The following SLCO3A1 variants were observed in gnomAD, a reference collection of about 807,000 sequenced individuals.
SLCO3A1 encodes the protein solute carrier organic anion transporter family member 3A1, also known as PGE1 transporter.
In SLCO3A1, 27 loss-of-function variants were observed where a neutral mutation model predicts 63.1. The observed-to-expected ratio is 0.43, with a 90% CI of 0.32 to 0.59. The LOEUF (loss-of-function observed/expected upper bound fraction) is 0.59, where lower values mean the gene tolerates loss of function less well. Ranked by LOEUF, SLCO3A1 falls within the 20% of genes least tolerant of loss-of-function variation. The probability of loss-of-function intolerance (pLI) is 0.09; values close to 1 mark genes in which losing one functional copy is unlikely to be tolerated. For missense variants in SLCO3A1, 773 were observed against 945.8 expected (o/e 0.82, Z 2.40); for synonymous variants, 473 against 409.9 (o/e 1.15, Z -1.86).
intron 1 of SLCO3A1, among the ~76,000 whole-genome samples, chr15:91,906,257 C>T (rs58243384): frequency 0.043 from 6,483 of 152,272 alleles, 453 homozygotes; most frequent in African/African-American, 0.15. Context: ...TCCTCAGTTA[C>T]TAGGGGCTAA....
At chr15:91,973,821 A>G (rs1597175735) in intron 2 of SLCO3A1, among the ~76,000 whole-genome samples, 1 of 152,218 alleles carries the variant, frequency 6.6e-6, no homozygotes, top group East Asian at 1.9e-4. Context: ...ATACCTGATT[A>G]AGGGGAAAGC....
At chr15:92,028,394 A>T (rs961727700) in intron 2 of SLCO3A1, among the ~76,000 whole-genome samples, 3 of 152,000 alleles carry the variant, frequency 2.0e-5, no homozygotes, top group African/African-American at 7.3e-5. Flanking sequence ...GCCCCTCAAC[A>T]TTTGCAGGAT....
At chr15:91,889,939 T>C (rs1897830433) in intron 1 of SLCO3A1, among the ~76,000 whole-genome samples, 1 of 151,976 alleles carries the variant, frequency 6.6e-6, no homozygotes, top group Non-Finnish European at 1.5e-5. Flanking sequence ...AGTTATGCAG[T>C]CTGGGAAGCT....
rs142022814 is a variant in SLCO3A1, at chr15:92,171,798, T to C, written c.2015T>C (p.Ile672Thr). 1.5e-4 allele frequency: 233 copies of C among 1,551,430 alleles called. 1 individual carries two copies. The African/African-American group carries it at 2.3e-3, about 15-fold the overall frequency. Residue 672 changes from isoleucine to threonine, a missense_variant, in exon 11 of 11, where the codon ATT (isoleucine) becomes ACT (threonine). By Grantham distance (89) the Ile-to-Thr change is moderately conservative. Transcript: ENST00000424469. The stretch of plus-strand genomic sequence containing the variant: ...CCTTTAGGCACAGAGTACCAAGACA[T>C]TGAGACTGAGAAAACCTGCCCCGAA...
intron 2 of SLCO3A1, among the ~76,000 whole-genome samples, chr15:92,060,336 G>A (rs1480354414): frequency 6.6e-6 from 1 of 152,096 alleles, no homozygotes; most frequent in Non-Finnish European, 1.5e-5. Context: ...AAGGTAGGCA[G>A]ATCATTTGAG....
At chr15:92,141,409 G>T (rs2048130166) in intron 7 of SLCO3A1, among the ~76,000 whole-genome samples, 1 of 152,168 alleles carries the variant, frequency 6.6e-6, no homozygotes, top group Non-Finnish European at 1.5e-5. Flanking sequence ...GAGTCTACAG[G>T]TCAGTTCCAA....
chr15:92,162,969 T>A lies in SLCO3A1; in HGVS notation c.1967T>A (p.Ile656Asn). ...CTGAGGAAAAACTATAAACGCTACA[T>A]CAAAAACCACGAGGGCGGGCTGAGC... The part of the protein sequence containing the change: ...QCLRKNYKRY[I>N]KNHEGGLSTS... Residue 656 changes from isoleucine (I) to asparagine (N), a missense_variant, in exon 10 of 10, where the codon ATC (isoleucine) becomes AAC (asparagine). Coordinates refer to ENST00000318445, the MANE Select transcript of SLCO3A1 (RefSeq NM_013272.4). The A allele has an allele frequency of 6.2e-7, 1 of 1,613,970 alleles. No individual in the cohort carries two copies. Among genetic ancestry groups the A allele is most frequent in the Non-Finnish European group, 8.5e-7 (1 of 1,179,994 alleles).
chr15:91,969,534 T>G (rs940791301), intron 2 of SLCO3A1, among the ~76,000 whole-genome samples: 1 of 152,174 alleles, frequency 6.6e-6, no homozygotes, highest in Non-Finnish European at 1.5e-5. Context: ...CTCAAACTCC[T>G]CACCTCAGGT....
chr15:92,082,705 C>A (rs530930306), intron 2 of SLCO3A1, among the ~76,000 whole-genome samples: 1 of 152,190 alleles, frequency 6.6e-6, no homozygotes, highest in Non-Finnish European at 1.5e-5. Context: ...GACTGATAAC[C>A]CTTCTTCCCA....
intron 9 of SLCO3A1, among the ~76,000 whole-genome samples, chr15:92,154,185 A>T (rs2048343322): frequency 1.3e-5 from 2 of 152,238 alleles, no homozygotes; most frequent in African/African-American, 2.4e-5. Flanking sequence ...TGAGAAATAA[A>T]AGGAGGAATC....
intron 2 of SLCO3A1, among the ~76,000 whole-genome samples, chr15:91,972,325 G>A (rs1034491956): frequency 1.3e-5 from 2 of 152,152 alleles, no homozygotes; most frequent in African/African-American, 2.4e-5. Flanking sequence ...CCTAACCCAA[G>A]GTGGGTTAGA....
chr15:91,861,321 C>T (rs1375845410), intron 1 of SLCO3A1, among the ~76,000 whole-genome samples: 1 of 152,180 alleles, frequency 6.6e-6, no homozygotes, highest in African/African-American at 2.4e-5. Context: ...GAAACATTCC[C>T]TTGGATGTAC....
At chr15:92,026,128 C>G (rs1479577086) in intron 2 of SLCO3A1, among the ~76,000 whole-genome samples, 1 of 152,148 alleles carries the variant, frequency 6.6e-6, no homozygotes. Flanking sequence ...TTGTCCACCA[C>G]CAGTCACCAA....
chr15:92,074,187 C>G (rs1446706719), intron 2 of SLCO3A1, among the ~76,000 whole-genome samples: 2 of 152,156 alleles, frequency 1.3e-5, no homozygotes, highest in African/African-American at 2.4e-5. Flanking sequence ...ATAAAGAGAA[C>G]CTATCTTCTT....
rs547465363 is a variant in SLCO3A1, at chr15:91,954,306, A to G, written c.646+37848A>G. ...GAGCCCTTTGTGAGTTTCTCAGGAT[A>G]AACCATCCACCCATGGAAGTGGCAG... On this transcript the variant is annotated intron_variant, in intron 2 of 9. Transcript: ENST00000318445. The surrounding 1 kb of genome is among the most constrained non-coding windows in gnomAD (Gnocchi z 4.7). 5.3e-5 allele frequency among the ~76,000 whole-genome samples: 8 copies of G among 152,284 alleles called. No homozygotes were observed. Among genetic ancestry groups the G allele is most frequent in the African/African-American group, 1.7e-4 (7 of 41,562 alleles).
At chr15:92,155,729 C>T (rs2048362610) in intron 9 of SLCO3A1, among the ~76,000 whole-genome samples, 1 of 152,024 alleles carries the variant, frequency 6.6e-6, no homozygotes, top group Non-Finnish European at 1.5e-5. Context: ...CTATTGAGAT[C>T]CCCCCAACCC....
At chr15:91,961,503 C>A (rs1234328635) in intron 2 of SLCO3A1, among the ~76,000 whole-genome samples, 1 of 152,248 alleles carries the variant, frequency 6.6e-6, no homozygotes, top group East Asian at 1.9e-4. Context: ...TGATTAAAAA[C>A]ATCTCAGTCC....
chr15:91,953,131 G>A (rs1226637901), intron 2 of SLCO3A1, among the ~76,000 whole-genome samples: 3 of 152,194 alleles, frequency 2.0e-5, no homozygotes, highest in African/African-American at 7.2e-5. Context: ...CTTAATCCTG[G>A]AAACAAGGCC....
chr15:91,998,419 A>G (rs966541372), intron 2 of SLCO3A1, among the ~76,000 whole-genome samples: 2 of 152,152 alleles, frequency 1.3e-5, no homozygotes, highest in African/African-American at 4.8e-5. Flanking sequence ...GAGCCATTGC[A>G]TTCTAGCCTG....
Sources: gnomAD v4.1 joint callset for allele counts (sites outside exome capture counted in the v4.1 genomes callset) on GRCh38, gnomAD v4.1.1 for gene constraint, Gnocchi (gnomAD v3.1) non-coding constraint, MANE v1.5 for transcripts, NCBI Gene and HGNC (gene_info 2026-07-23, HGNC 2026-07-21) for gene names.